The following REC114 variants were observed in gnomAD, a reference collection of about 807,000 sequenced individuals.
REC114 encodes meiotic recombination protein REC114.
Under a neutral mutation model 31.3 loss-of-function variants are expected in REC114, and 27 were observed. That is an observed-to-expected ratio of 0.86 (90% CI 0.64 to 1.19). REC114 has a LOEUF of 1.19. REC114 is among the 50% of genes most tolerant of loss of function. REC114 has a pLI of 0.00. For synonymous variants in REC114, 134 were observed against 127.7 expected, an observed-to-expected ratio of 1.05 and a Z score of -0.33; for missense variants, 344 against 326.9, an observed-to-expected ratio of 1.05 and a Z score of -0.40.
chr15:73,514,835 A>G (rs1457600949), intron 2 of REC114, among the ~76,000 whole-genome samples: 1 of 152,080 alleles, frequency 6.6e-6, no homozygotes, highest in East Asian at 1.9e-4. Flanking sequence ...AGGAAGGTAT[A>G]TTTATCTGCT....
At chr15:73,517,312 C>A (rs1203045829) in intron 2 of REC114, among the ~76,000 whole-genome samples, 1 of 152,024 alleles carries the variant, frequency 6.6e-6, no homozygotes, top group Admixed American at 6.6e-5. Flanking sequence ...AAAGGTATCT[C>A]TCAAACAAAG....
intron 4 of REC114, among the ~76,000 whole-genome samples, chr15:73,555,164 C>G (rs1049154622): frequency 3.9e-5 from 6 of 152,202 alleles, no homozygotes; most frequent in South Asian, 2.1e-4. Flanking sequence ...CTCTGTAGGA[C>G]AGAAGACAGA....
At chr15:73,521,172 G>C (rs1187915386) in intron 2 of REC114, among the ~76,000 whole-genome samples, 1 of 152,118 alleles carries the variant, frequency 6.6e-6, no homozygotes, top group African/African-American at 2.4e-5. Flanking sequence ...CACAATCCTG[G>C]TGAGAGACTT....
At chr15:73,466,594 A>C (rs1370442304) in intron 1 of REC114, among the ~76,000 whole-genome samples, 2 of 152,186 alleles carry the variant, frequency 1.3e-5, no homozygotes, top group Non-Finnish European at 2.9e-5. Flanking sequence ...AAGCATTTCC[A>C]AAAGGTACAA....
intron 2 of REC114, among the ~76,000 whole-genome samples, chr15:73,532,253 C>G (rs1171095798): frequency 2.0e-5 from 3 of 149,572 alleles, no homozygotes; most frequent in South Asian, 2.1e-4. Context: ...TTTGTTCTTG[C>G]GATAGTTTAC....
At chr15:73,452,132 A>G (rs533723309) in intron 1 of REC114, among the ~76,000 whole-genome samples, 3 of 152,348 alleles carry the variant, frequency 2.0e-5, no homozygotes, top group Non-Finnish European at 4.4e-5. Flanking sequence ...AGTTCTGGCC[A>G]GGGCAATCGG....
Position 73,473,823 on chromosome 15 carries a change from C to T in REC114, c.160-9C>T. On this transcript the variant is annotated splice_polypyrimidine_tract_variant and intron_variant, in intron 1 of 5. Transcript: ENST00000331090. ...TCTTTTACATATTTTTCTCCTTCTC[C>T]CTTTCAAGGTTTTTGATTCCAATGA... The T allele has an allele frequency of 6.6e-7, 1 of 1,509,102 alleles. No homozygotes were observed. The allele number at this position is 1,509,102 out of a possible 1,614,324, so 93.5% of individuals were successfully genotyped here.
At chr15:73,544,911 T>G (rs1298930924) in intron 3 of REC114, among the ~76,000 whole-genome samples, 1 of 152,216 alleles carries the variant, frequency 6.6e-6, no homozygotes, top group Non-Finnish European at 1.5e-5. Flanking sequence ...GAAAACCCAC[T>G]GGGTTTTTAT....
chr15:73,538,784 T>C (rs977317563), intron 2 of REC114, among the ~76,000 whole-genome samples: 3 of 152,108 alleles, frequency 2.0e-5, no homozygotes, highest in African/African-American at 7.2e-5. Flanking sequence ...ACAGTGCTGA[T>C]ACATAACATT....
intron 2 of REC114, among the ~76,000 whole-genome samples, chr15:73,481,207 G>T (rs936876260): frequency 6.6e-6 from 1 of 151,984 alleles, no homozygotes; most frequent in African/African-American, 2.4e-5. Context: ...CATGGTTTTG[G>T]GCTTTCTGCT....
chr15:73,446,739 T>C (rs1409297637), intron 1 of REC114, among the ~76,000 whole-genome samples: 1 of 152,118 alleles, frequency 6.6e-6, no homozygotes, highest in Non-Finnish European at 1.5e-5. Context: ...AATCTGGTGC[T>C]TAGAGAATAA....
chr15:73,542,962 T>TTTA (rs1555404585), intron 3 of REC114, among the ~76,000 whole-genome samples: 10 of 122,018 alleles, frequency 8.2e-5, no homozygotes, highest in African/African-American at 2.7e-4. Flanking sequence ...TTTTTTTTTT[T>TTTA]ATATAAATTT....
chr15:73,523,573 A>G (rs931814464), intron 2 of REC114, among the ~76,000 whole-genome samples: 1 of 152,226 alleles, frequency 6.6e-6, no homozygotes, highest in Admixed American at 6.5e-5. Flanking sequence ...ATGTAGAAGT[A>G]TGGAGTCCTT....
At chr15:73,542,242 A>G (rs1894248475) in intron 3 of REC114, among the ~76,000 whole-genome samples, 1 of 151,768 alleles carries the variant, frequency 6.6e-6, no homozygotes. Context: ...GAGGCAAGAT[A>G]ATTGCTTGAA....
At chr15:73,448,640 G>A (rs1001646131) in intron 1 of REC114, among the ~76,000 whole-genome samples, 6 of 152,182 alleles carry the variant, frequency 3.9e-5, no homozygotes, top group Admixed American at 6.5e-5. Context: ...CATAGTGTTC[G>A]AACTCTGATA....
At chr15:73,549,002 G>A (rs1285349793) in intron 3 of REC114, among the ~76,000 whole-genome samples, 2 of 152,004 alleles carry the variant, frequency 1.3e-5, no homozygotes, top group Non-Finnish European at 2.9e-5. Flanking sequence ...ACATAGAGGG[G>A]AACAACACAC....
rs755797042 is a variant in REC114 at position 73,448,024 on chromosome 15, C to T, written c.159+4680C>T. Among the ~76,000 whole-genome samples the T allele has an allele frequency of 4.5e-4, 68 of 152,168 alleles. No homozygotes were observed. In the Middle Eastern group the frequency reaches 0.01, roughly 23 times the overall value. On this transcript the variant is annotated intron_variant, in intron 1 of 5. Transcript: ENST00000331090. ...AGATTCCCTCTGGTGCCTACACCAC[C>T]GAGGGCCCTGGGTTTCAAGCACAAA...
At chr15:73,505,035 T>C (rs1166384940) in intron 2 of REC114, among the ~76,000 whole-genome samples, 2 of 152,090 alleles carry the variant, frequency 1.3e-5, no homozygotes, top group African/African-American at 2.4e-5. Flanking sequence ...TCCTCACAAG[T>C]GACCTTTTTT....
intron 1 of REC114, among the ~76,000 whole-genome samples, chr15:73,449,525 G>A (rs1017148406): frequency 5.9e-5 from 9 of 152,176 alleles, no homozygotes; most frequent in Non-Finnish European, 1.2e-4. Flanking sequence ...TATGATTGGT[G>A]TACCTGAAAG....
Sources: gnomAD v4.1 joint callset for allele counts (sites outside exome capture counted in the v4.1 genomes callset) on GRCh38, gnomAD v4.1.1 for gene constraint, MANE v1.5 for transcripts, NCBI Gene and HGNC (gene_info 2026-07-23, HGNC 2026-07-21) for gene names.